Variants in RUNX2 observed in about 807,000 individuals in gnomAD.
RUNX2 encodes the protein runt-related transcription factor 2.
Under a neutral mutation model 51.7 loss-of-function variants are expected in RUNX2, and 10 were observed. The ratio of observed to expected loss-of-function variants is 0.19; its 90% confidence interval spans 0.12 to 0.33. The LOEUF (loss-of-function observed/expected upper bound fraction) is 0.33, where lower values mean the gene tolerates loss of function less well. Among genes scored for constraint, RUNX2 ranks in the 10% least tolerant of loss-of-function variants. RUNX2 has a pLI of 1.00. For missense variants in RUNX2, 562 were observed against 691.3 expected, an observed-to-expected ratio of 0.81 and a Z score of 2.10; for synonymous variants, 276 against 273.6, an observed-to-expected ratio of 1.01 and a Z score of -0.09.
chr6:45,429,335 T>C (rs1798472581), intron 3 of RUNX2, among the ~76,000 whole-genome samples: 2 of 152,306 alleles, frequency 1.3e-5, no homozygotes, highest in South Asian at 2.1e-4. Flanking sequence ...TAAAATACAA[T>C]ATGCTGAGTG....
At chr6:45,353,378 A>G (rs1193023943) in intron 2 of RUNX2, among the ~76,000 whole-genome samples, 1 of 152,106 alleles carries the variant, frequency 6.6e-6, no homozygotes, top group Non-Finnish European at 1.5e-5. Context: ...GACTTGAACT[A>G]TAATACTAAC....
chr6:45,381,472 G>A (rs1797240212), intron 2 of RUNX2, among the ~76,000 whole-genome samples: 1 of 151,928 alleles, frequency 6.6e-6, no homozygotes, highest in African/African-American at 2.4e-5. Flanking sequence ...CTGTTGCCCA[G>A]GCTGGAGTGA....
chr6:45,472,520 G>A (rs1360530607), intron 5 of RUNX2, among the ~76,000 whole-genome samples: 1 of 152,316 alleles, frequency 6.6e-6, no homozygotes, highest in African/African-American at 2.4e-5. Flanking sequence ...CAGATGCCCA[G>A]CTGTGGAAGA....
chr6:45,501,315 C>T (rs1009598041), intron 6 of RUNX2, among the ~76,000 whole-genome samples: 1 of 152,210 alleles, frequency 6.6e-6, no homozygotes, highest in Admixed American at 6.5e-5. Context: ...GGAGCAGGCT[C>T]CCCCATCCTG....
chr6:45,433,737 T>C (rs1255586489), intron 4 of RUNX2, among the ~76,000 whole-genome samples: 1 of 152,232 alleles, frequency 6.6e-6, no homozygotes, highest in African/African-American at 2.4e-5. Flanking sequence ...TGTTTTACTA[T>C]ATTGGCTTTC....
At chr6:45,365,069 A>G (rs1719173543) in intron 2 of RUNX2, 2 of 610,528 alleles carry the variant, frequency 3.3e-6, no homozygotes, top group South Asian at 3.5e-5. Flanking sequence ...ATGTTACCAC[A>G]GTATTTCATT....
intron 5 of RUNX2, among the ~76,000 whole-genome samples, chr6:45,456,761 G>A (rs2820340): frequency 0.73 from 111,633 of 152,116 alleles, 41,879 homozygotes; most frequent in East Asian, 0.96. Context: ...AATATATTCT[G>A]TATTTGCATA....
At chr6:45,426,805 T>A (rs1798394660) in intron 3 of RUNX2, among the ~76,000 whole-genome samples, 1 of 152,196 alleles carries the variant, frequency 6.6e-6, no homozygotes, top group Admixed American at 6.5e-5. Context: ...AATTTCTGTT[T>A]GAAAATAAAT....
intron 6 of RUNX2, among the ~76,000 whole-genome samples, chr6:45,505,441 A>G (rs1325462920): frequency 1.3e-5 from 2 of 150,514 alleles, no homozygotes; most frequent in Non-Finnish European, 2.9e-5. Flanking sequence ...TGCAGATGCG[A>G]AATTTGGCTT....
chr6:45,408,465 T>C (rs946260833), intron 2 of RUNX2, among the ~76,000 whole-genome samples: 7 of 152,100 alleles, frequency 4.6e-5, no homozygotes, highest in Non-Finnish European at 8.8e-5. Flanking sequence ...CTGTACATCT[T>C]GTGGAAAACT....
At chr6:45,448,402 A>G (rs1287940089) in intron 5 of RUNX2, among the ~76,000 whole-genome samples, 1 of 152,196 alleles carries the variant, frequency 6.6e-6, no homozygotes, top group Admixed American at 6.5e-5. Flanking sequence ...TCAGAACCAC[A>G]AGAGCTGTCT....
At chr6:45,414,831 T>C (rs879235205) in intron 2 of RUNX2, among the ~76,000 whole-genome samples, 1 of 150,622 alleles carries the variant, frequency 6.6e-6, no homozygotes, top group African/African-American at 2.4e-5. Flanking sequence ...CCCAGGATTT[T>C]GTTTATGTGT....
intron 5 of RUNX2, among the ~76,000 whole-genome samples, chr6:45,459,202 T>C (rs1362258941): frequency 6.6e-6 from 1 of 152,250 alleles, no homozygotes; most frequent in African/African-American, 2.4e-5. Context: ...TACACATTCT[T>C]ATGGTCACAT....
In RUNX2 at chr6:45,502,905, T is replaced by C. The variant is rs1019995775; in HGVS notation, c.860-9341T>C. Among the ~76,000 whole-genome samples, 5 of 152,164 alleles carry C rather than the reference T, an allele frequency of 3.3e-5. 1 individual carries two copies. The highest frequency in any genetic ancestry group is 3.3e-4 in the Admixed American group (5 of 15,274). On this transcript the variant is annotated intron_variant, in intron 6 of 8. Coordinates refer to ENST00000647337, the MANE Select transcript of RUNX2 (RefSeq NM_001024630.4). ...CACAGCCTGGCTCCTCCCTGCCTGC[T>C]CTCCATTCTCATCTCACAATATTTT...
chr6:45,406,057 G>T (rs1797827563), intron 2 of RUNX2, among the ~76,000 whole-genome samples: 1 of 152,166 alleles, frequency 6.6e-6, no homozygotes, highest in Non-Finnish European at 1.5e-5. Flanking sequence ...ACAACTGTTA[G>T]CTTAATTTTT....
chr6:45,396,488 CT>C (rs1797584187), intron 2 of RUNX2, among the ~76,000 whole-genome samples: 1 of 152,180 alleles, frequency 6.6e-6, no homozygotes, highest in African/African-American at 2.4e-5. Context: ...TCACTGCATT[CT>C]TGAATTCCTG....
At chr6:45,422,537 C>T (rs772076108) in intron 2 of RUNX2, 56 bp from the exon 3 acceptor site, 6 of 1,355,612 alleles carry the variant, frequency 4.4e-6, no homozygotes, top group East Asian at 8.9e-5. Flanking sequence ...CCACCCTCCT[C>T]CCCCTCCCCC....
chr6:45,365,884 T>TATG (rs3057619), intron 2 of RUNX2, among the ~76,000 whole-genome samples: 62,806 of 151,394 alleles, frequency 0.41, 13,774 homozygotes, highest in Non-Finnish European at 0.5. Context: ...TCAAAAGCAT[T>TATG]ATATTTTATA....
At chr6:45,437,556 C>T (rs1256803343) in intron 4 of RUNX2, among the ~76,000 whole-genome samples, 1 of 152,192 alleles carries the variant, frequency 6.6e-6, no homozygotes, top group Non-Finnish European at 1.5e-5. Context: ...CTCGTGAGGT[C>T]ATGACCCAAC....
Sources: allele counts gnomAD v4.1 joint callset (sites outside exome capture counted in the v4.1 genomes callset), GRCh38; gene constraint gnomAD v4.1.1; transcripts MANE v1.5; gene names NCBI Gene and HGNC (gene_info 2026-07-23, HGNC 2026-07-21).